Variants in CPO observed in about 807,000 individuals in gnomAD.
The protein encoded by CPO is carboxypeptidase O.
In CPO, 43 loss-of-function variants were observed where a neutral mutation model predicts 41.2. That is an observed-to-expected ratio of 1.04 (90% CI 0.82 to 1.35). The LOEUF (loss-of-function observed/expected upper bound fraction) is 1.35, where lower values mean the gene tolerates loss of function less well. Among genes scored for constraint, CPO ranks in the 40% most tolerant of loss-of-function variants. CPO has a pLI of 0.00. For missense variants in CPO, 408 were observed against 451.7 expected, an observed-to-expected ratio of 0.90 and a Z score of 0.88; for synonymous variants, 178 against 162.7, an observed-to-expected ratio of 1.09 and a Z score of -0.72.
chr2:206,958,434 T>TA, intron 4 of CPO, 29 bp downstream of exon 4: 3 of 1,204,956 alleles, frequency 2.5e-6, no homozygotes, highest in Non-Finnish European at 3.6e-6. Context: ...CTCATACTGG[T>TA]AAATCACCCC....
intron 2 of CPO, among the ~76,000 whole-genome samples, chr2:206,954,852 G>C (rs1176091687): frequency 6.6e-6 from 1 of 152,186 alleles, no homozygotes; most frequent in African/African-American, 2.4e-5. Context: ...GAAGTGCAGA[G>C]TGAAAGGGGT....
chr2:206,950,029 G>T (rs551681281), intron 2 of CPO, among the ~76,000 whole-genome samples: 1 of 152,300 alleles, frequency 6.6e-6, no homozygotes, highest in African/African-American at 2.4e-5. Flanking sequence ...CAAGTTCTTA[G>T]CAAGTTTAAG....
At chr2:206,961,274 T>C (rs1347383375) in intron 6 of CPO, among the ~76,000 whole-genome samples, 19 of 152,222 alleles carry the variant, frequency 1.2e-4, no homozygotes, top group Admixed American at 1.2e-3. Flanking sequence ...TTGCAGATTA[T>C]TTCATAGCAG....
intron 1 of CPO, among the ~76,000 whole-genome samples, chr2:206,943,721 G>GATA (rs1559068386): frequency 1.8e-4 from 22 of 121,394 alleles, no homozygotes; most frequent in Non-Finnish European, 3.5e-5. Context: ...GATAGATGAT[G>GATA]GATAGATGAT....
intron 2 of CPO, among the ~76,000 whole-genome samples, chr2:206,953,434 A>C (rs1693302659): frequency 6.6e-6 from 1 of 152,256 alleles, no homozygotes; most frequent in Non-Finnish European, 1.5e-5. Flanking sequence ...GCAGTAATTA[A>C]ATCTTAAAGC....
At chr2:206,969,035 G>T in intron 8 of CPO, 139 bp from the exon 9 acceptor site, 1 of 864,822 alleles carries the variant, frequency 1.2e-6, no homozygotes, top group Non-Finnish European at 1.8e-6. Flanking sequence ...AGAAGAAAGA[G>T]AAGACAGCTA....
chr2:206,967,272 GC>G (rs1693591052), intron 7 of CPO, among the ~76,000 whole-genome samples: 1 of 151,730 alleles, frequency 6.6e-6, no homozygotes, highest in African/African-American at 2.4e-5. Flanking sequence ...CTGGAAAGGG[GC>G]TGCAGAGGTG....
chr2:206,965,914 C>T (rs1457877875), intron 7 of CPO, among the ~76,000 whole-genome samples: 1 of 152,106 alleles, frequency 6.6e-6, no homozygotes, highest in Non-Finnish European at 1.5e-5. Flanking sequence ...TCAGGAGTTC[C>T]ACCTCCAGAG....
In CPO at chr2:206,962,434, C is replaced by T; in HGVS notation, c.597C>T (p.Cys199=). The part of the protein sequence containing the change: ...SWCSIGASRN[C]QDQTFCGTGP... ...TAGGTATTGGTGCCTCTAGAAACTG[C>T]CAAGATCAAACATTCTGTGGGACAG... Residue 199 remains cysteine, a synonymous_variant, in exon 7 of 9, where the codon TGC becomes TGT. Coordinates refer to ENST00000272852, the MANE Select transcript of CPO (RefSeq NM_173077.3). 6.2e-7 allele frequency: 1 copy of T among 1,614,044 alleles called. No individual in the cohort carries two copies. The highest frequency in any genetic ancestry group is 8.5e-7 in the Non-Finnish European group (1 of 1,179,966).
intron 6 of CPO, among the ~76,000 whole-genome samples, chr2:206,962,123 A>C (rs998900255): frequency 6.6e-6 from 1 of 151,442 alleles, no homozygotes; most frequent in African/African-American, 2.4e-5. Flanking sequence ...AAAAAAATAC[A>C]AGTATACTAA....
At chr2:206,959,059 C>G (rs913718168) in intron 4 of CPO, among the ~76,000 whole-genome samples, 10 of 152,112 alleles carry the variant, frequency 6.6e-5, no homozygotes, top group African/African-American at 2.2e-4. Context: ...AGTTTTTCAT[C>G]TGTAAAAAGA....
chr2:206,947,381 G>C (rs1003087898), intron 1 of CPO, among the ~76,000 whole-genome samples: 1 of 152,060 alleles, frequency 6.6e-6, no homozygotes, highest in African/African-American at 2.4e-5. Context: ...CATAGACATC[G>C]CACCTTCACA....
chr2:206,967,613 T>C (rs1161602015), intron 7 of CPO, among the ~76,000 whole-genome samples: 1 of 151,976 alleles, frequency 6.6e-6, no homozygotes, highest in Non-Finnish European at 1.5e-5. Flanking sequence ...TGAGGAAAGA[T>C]AGAGGCTGAG....
At chr2:206,951,553 A>G (rs1346716705) in intron 2 of CPO, among the ~76,000 whole-genome samples, 3 of 152,218 alleles carry the variant, frequency 2.0e-5, no homozygotes, top group African/African-American at 7.2e-5. Context: ...TTTTTCAACA[A>G]GTACAAGAAA....
At chr2:206,959,541 T>G in intron 4 of CPO, 90 bp from the exon 5 acceptor site, 1 of 682,598 alleles carries the variant, frequency 1.5e-6, no homozygotes, top group Non-Finnish European at 2.7e-6. Flanking sequence ...TGATGTACAG[T>G]CACCTCTTAT....
At chr2:206,951,952 T>G (rs1206914794) in intron 2 of CPO, among the ~76,000 whole-genome samples, 1 of 152,236 alleles carries the variant, frequency 6.6e-6, no homozygotes, top group Non-Finnish European at 1.5e-5. Flanking sequence ...ACTACCCATG[T>G]GGTAAGCTGT....
chr2:206,957,633 G>A (rs906964053), intron 3 of CPO, among the ~76,000 whole-genome samples: 1 of 152,156 alleles, frequency 6.6e-6, no homozygotes, highest in Admixed American at 6.5e-5. Flanking sequence ...GCATGGGAGT[G>A]TTAACAGCCT....
intron 3 of CPO, 29 bp downstream of exon 3, chr2:206,955,593 C>CT: frequency 8.8e-7 from 1 of 1,138,752 alleles, no homozygotes; most frequent in Non-Finnish European, 1.3e-6. Flanking sequence ...AATTACCTTA[C>CT]CAGGAGAATT....
chr2:206,948,122 A>G (rs1693180642), intron 1 of CPO, among the ~76,000 whole-genome samples: 1 of 152,220 alleles, frequency 6.6e-6, no homozygotes, highest in African/African-American at 2.4e-5. Context: ...AAATCTGTAC[A>G]GGGATGATTA....
Sources: allele counts gnomAD v4.1 joint callset (sites outside exome capture counted in the v4.1 genomes callset), GRCh38; gene constraint gnomAD v4.1.1; transcripts MANE v1.5; gene names NCBI Gene and HGNC (gene_info 2026-07-23, HGNC 2026-07-21).